RORA: variants seen among roughly 807,000 people sequenced by gnomAD.
The protein encoded by RORA is nuclear receptor ROR-alpha.
Under a neutral mutation model 69.5 loss-of-function variants are expected in RORA, and 7 were observed. The ratio of observed to expected loss-of-function variants is 0.10; its 90% CI spans 0.06 to 0.19. The LOEUF (loss-of-function observed/expected upper bound fraction) is 0.19, where lower values mean the gene tolerates loss of function less well. RORA is among the 10% of genes least tolerant of loss of function. The probability of loss-of-function intolerance (pLI) is 1.00; values close to 1 mark genes in which losing one functional copy is unlikely to be tolerated. For missense variants in RORA, 457 were observed against 663.0 expected, an observed-to-expected ratio of 0.69 and a Z score of 3.41; for synonymous variants, 261 against 240.8, an observed-to-expected ratio of 1.08 and a Z score of -0.78.
chr15:60,817,228 C>T (rs1445984601), intron 1 of RORA, among the ~76,000 whole-genome samples: 2 of 152,134 alleles, frequency 1.3e-5, no homozygotes, highest in Admixed American at 6.6e-5. Flanking sequence ...AAGCAAATAT[C>T]GCCATCAAGT....
intron 1 of RORA, among the ~76,000 whole-genome samples, chr15:60,839,964 C>T (rs531812996): frequency 2.6e-5 from 4 of 152,110 alleles, no homozygotes; most frequent in South Asian, 4.2e-4. Flanking sequence ...AGGCAGATGC[C>T]GAGACTGGAG....
chr15:60,787,424 G>A (rs1035230685), intron 1 of RORA, among the ~76,000 whole-genome samples: 6 of 152,240 alleles, frequency 3.9e-5, no homozygotes, highest in African/African-American at 1.4e-4. Flanking sequence ...TGCGGTCAAG[G>A]TGGAGGGATG....
At chr15:60,608,031 G>A (rs1298345026) in intron 2 of RORA, among the ~76,000 whole-genome samples, 5 of 152,138 alleles carry the variant, frequency 3.3e-5, no homozygotes, top group East Asian at 1.9e-4. Flanking sequence ...CAAAACGTCC[G>A]TGAAAACTAG....
chr15:60,541,540 T>A (rs2140353633), intron 2 of RORA, among the ~76,000 whole-genome samples: 1 of 152,348 alleles, frequency 6.6e-6, no homozygotes, highest in South Asian at 2.1e-4. Flanking sequence ...GTTATTTCTG[T>A]GCCTATTCCC....
At chr15:60,733,038 G>A (rs533047097) in intron 1 of RORA, among the ~76,000 whole-genome samples, 20 of 152,268 alleles carry the variant, frequency 1.3e-4, no homozygotes, top group Admixed American at 5.9e-4. Flanking sequence ...CCTGCTCTGC[G>A]GCCGGCCCCT....
intron 2 of RORA, among the ~76,000 whole-genome samples, chr15:60,587,016 T>G (rs1444371905): frequency 6.6e-6 from 1 of 152,196 alleles, no homozygotes; most frequent in Non-Finnish European, 1.5e-5. Flanking sequence ...CGAGAATTCG[T>G]AAGCTTTATA....
chr15:60,634,269 T>C (rs2069794922), intron 2 of RORA, among the ~76,000 whole-genome samples: 1 of 152,214 alleles, frequency 6.6e-6, no homozygotes. Context: ...ACTTTTGGGA[T>C]GTCCTTTAAA....
chr15:60,944,514 C>G (rs562624330), intron 1 of RORA, among the ~76,000 whole-genome samples: 2 of 152,146 alleles, frequency 1.3e-5, no homozygotes, highest in African/African-American at 2.4e-5. Flanking sequence ...CTCAGGAGTT[C>G]AAGACCAGCT....
chr15:60,935,075 G>A (rs939700903), intron 1 of RORA, among the ~76,000 whole-genome samples: 5 of 152,204 alleles, frequency 3.3e-5, no homozygotes, highest in African/African-American at 1.2e-4. Context: ...CCCACAGGGG[G>A]CCCTCAGGAA....
chr15:60,823,301 T>C (rs2072918297), intron 1 of RORA, among the ~76,000 whole-genome samples: 1 of 152,290 alleles, frequency 6.6e-6, no homozygotes, highest in South Asian at 2.1e-4. Context: ...GCAATCCTCC[T>C]ACCTCAGCCA....
chr15:60,685,940 G>T lies in RORA; in HGVS notation c.167-7254C>A, dbSNP rs144679669. 9.0e-4 allele frequency among the ~76,000 whole-genome samples: 137 copies of T among 152,112 alleles called. 1 individual carries two copies. The highest frequency in any genetic ancestry group is 3.2e-3 in the African/African-American group (131 of 41,486). Reference sequence around the variant, plus strand: ...ATTTGAGCCTAGGTTGAGCTGTTTCGGCAATAATATTTCAGCTCTTTTACC... The same window carrying T: ...ATTTGAGCCTAGGTTGAGCTGTTTCTGCAATAATATTTCAGCTCTTTTACC... On this transcript the variant is annotated intron_variant, in intron 1 of 10. Transcript: ENST00000335670.
intron 1 of RORA, among the ~76,000 whole-genome samples, chr15:61,040,163 T>TATATAAAA (rs1491503044): frequency 9.2e-6 from 1 of 108,966 alleles, no homozygotes; most frequent in East Asian, 2.8e-4. Flanking sequence ...TATATATATA[T>TATATAAAA]AAAATATATG....
chr15:60,883,130 C>CAAAAAA (rs60074751), intron 1 of RORA, among the ~76,000 whole-genome samples: 7 of 43,116 alleles, frequency 1.6e-4, no homozygotes, highest in African/African-American at 4.7e-4. Context: ...GACATCGTCT[C>CAAAAAA]AAAAAAAAAA....
At chr15:61,187,122 A>C (rs1438304696) in intron 1 of RORA, among the ~76,000 whole-genome samples, 1 of 152,256 alleles carries the variant, frequency 6.6e-6, no homozygotes. Flanking sequence ...CGGCGGTGGC[A>C]GGCTGCCAGG....
In RORA at chr15:61,128,225, CTGTG is replaced by C. The variant is rs1567002077; in HGVS notation, c.166+100824_166+100827del. ...CACACGTGTGTGTGTGTGTGTGTGT[CTGTG>C]TGTGAGTGTGTTTCTGCAAGGGTAT... On this transcript the variant is annotated intron_variant, in intron 1 of 10. Coordinates refer to ENST00000335670, the MANE Select transcript of RORA (RefSeq NM_134261.3). The surrounding 1 kb of genome is among the most constrained non-coding windows in gnomAD (Gnocchi z 4.5). 7.6e-6 allele frequency among the ~76,000 whole-genome samples: 1 copy of C among 131,898 alleles called. No individual in the cohort carries two copies. Among genetic ancestry groups the C allele is most frequent in the African/African-American group, 2.6e-5 (1 of 37,926 alleles). The allele number at this position is 131,898 out of a possible 152,430, so 86.5% of individuals were successfully genotyped here. A position where few individuals can be genotyped will look rare whatever the true frequency, so the allele number is the denominator to read the frequency against.
intron 2 of RORA, among the ~76,000 whole-genome samples, chr15:60,667,056 G>T (rs1479405088): frequency 6.6e-6 from 1 of 152,110 alleles, no homozygotes; most frequent in East Asian, 1.9e-4. Context: ...CGAATGTAAG[G>T]CTGGTGTTTT....
intron 1 of RORA, among the ~76,000 whole-genome samples, chr15:61,153,152 G>C (rs998270836): frequency 6.6e-6 from 1 of 152,168 alleles, no homozygotes; most frequent in Non-Finnish European, 1.5e-5. Flanking sequence ...GCAGCACTAG[G>C]TAGGGATTGG....
intron 2 of RORA, among the ~76,000 whole-genome samples, chr15:60,553,336 C>T (rs1235525126): frequency 2.0e-5 from 3 of 152,172 alleles, no homozygotes; most frequent in African/African-American, 7.2e-5. Flanking sequence ...TTGAGATGCA[C>T]TGTGCTGTGA....
At chr15:60,629,376 G>A (rs1183230026) in intron 2 of RORA, among the ~76,000 whole-genome samples, 4 of 151,818 alleles carry the variant, frequency 2.6e-5, no homozygotes, top group Admixed American at 6.6e-5. Context: ...TAGTAGATAC[G>A]AGGTTTTGCC....
Sources: gnomAD v4.1 joint callset for allele counts (sites outside exome capture counted in the v4.1 genomes callset) on GRCh38, gnomAD v4.1.1 for gene constraint, Gnocchi (gnomAD v3.1) non-coding constraint, MANE v1.5 for transcripts, NCBI Gene and HGNC (gene_info 2026-07-23, HGNC 2026-07-21) for gene names.